ARHGAP24: variants seen among roughly 807,000 people sequenced by gnomAD.
The protein encoded by ARHGAP24 is rho GTPase-activating protein 24.
In ARHGAP24, 50 loss-of-function variants were observed where a neutral mutation model predicts 76.4. The observed-to-expected ratio is 0.65, with a 90% CI of 0.52 to 0.83. ARHGAP24 has a LOEUF of 0.83. Among genes scored for constraint, ARHGAP24 ranks in the 40% least tolerant of loss-of-function variants. The probability of loss-of-function intolerance (pLI) is 0.00; values close to 1 mark genes in which losing one functional copy is unlikely to be tolerated. For synonymous variants in ARHGAP24, 345 were observed against 323.3 expected (o/e 1.07, Z -0.72); for missense variants, 930 against 914.2 (o/e 1.02, Z -0.22).
At chr4:85,793,489 T>C (rs1474839046) in intron 3 of ARHGAP24, among the ~76,000 whole-genome samples, 1 of 152,186 alleles carries the variant, frequency 6.6e-6, no homozygotes, top group Non-Finnish European at 1.5e-5. Context: ...TCAAACCTTA[T>C]TTCCCACAGA....
chr4:85,655,818 A>AGATAGAGAG (rs1237643654), intron 2 of ARHGAP24, among the ~76,000 whole-genome samples: 1 of 35,508 alleles, frequency 2.8e-5, no homozygotes, highest in East Asian at 5.0e-4. Context: ...GAGAGAGAGA[A>AGATAGAGAG]AGAGAGAGAG....
intron 2 of ARHGAP24, among the ~76,000 whole-genome samples, chr4:85,586,184 A>G (rs1271570166): frequency 6.6e-6 from 1 of 151,450 alleles, no homozygotes; most frequent in Non-Finnish European, 1.5e-5. Flanking sequence ...ATGGTGAGGC[A>G]TTACATCCCA....
chr4:85,644,000 G>C (rs371715158), intron 2 of ARHGAP24, among the ~76,000 whole-genome samples: 2 of 152,106 alleles, frequency 1.3e-5, no homozygotes, highest in Non-Finnish European at 1.5e-5. Context: ...TTCATTTTTG[G>C]TGAAGAGTTT....
At chr4:85,648,897 T>A (rs1721826775) in intron 2 of ARHGAP24, among the ~76,000 whole-genome samples, 1 of 152,088 alleles carries the variant, frequency 6.6e-6, no homozygotes, top group Non-Finnish European at 1.5e-5. Flanking sequence ...AATAGAACAT[T>A]TAAAAAACTT....
At chr4:85,510,470 C>T (rs745859747) in intron 1 of ARHGAP24, among the ~76,000 whole-genome samples, 28 of 151,652 alleles carry the variant, frequency 1.8e-4, no homozygotes, top group Admixed American at 5.3e-4. Context: ...TCTCTCTACC[C>T]GTTTGCCTTC....
At chr4:85,819,263 T>A (rs951525018) in intron 3 of ARHGAP24, among the ~76,000 whole-genome samples, 3 of 152,356 alleles carry the variant, frequency 2.0e-5, no homozygotes, top group East Asian at 1.9e-4. Flanking sequence ...ATTTATAAAA[T>A]TTAGTGCAGA....
In ARHGAP24 at chr4:85,923,640, T is replaced by C. The variant is rs762196452; in HGVS notation, c.269-8T>C. 44 of 1,613,414 alleles carry C rather than the reference T, an allele frequency of 2.7e-5. No individual in the cohort carries two copies. In the Admixed American group the frequency reaches 4.3e-4, roughly 16 times the overall value. On this transcript the variant is annotated splice_polypyrimidine_tract_variant and splice_region_variant and intron_variant, in intron 3 of 9. Coordinates refer to ENST00000395184, the MANE Select transcript of ARHGAP24 (RefSeq NM_001025616.3). ...AACTTCAGCTGCATTGTTACTGTGT[T>C]TTCACAGGAGGCGATCGAGATCGGA...
intron 3 of ARHGAP24, among the ~76,000 whole-genome samples, chr4:85,822,328 T>A (rs1729509886): frequency 6.6e-6 from 1 of 152,166 alleles, no homozygotes; most frequent in Non-Finnish European, 1.5e-5. Flanking sequence ...CCAAATATTC[T>A]GACTTGGCTT....
intron 3 of ARHGAP24, among the ~76,000 whole-genome samples, chr4:85,786,955 T>C (rs1727872538): frequency 6.6e-6 from 1 of 152,252 alleles, no homozygotes; most frequent in Non-Finnish European, 1.5e-5. Context: ...ACTTCACATT[T>C]TGACTTCTTA....
At chr4:85,528,209 G>C (rs925314403) in intron 1 of ARHGAP24, among the ~76,000 whole-genome samples, 12 of 152,078 alleles carry the variant, frequency 7.9e-5, no homozygotes, top group African/African-American at 2.9e-4. Flanking sequence ...GATTGGGTCA[G>C]ATTGTAGCAG....
chr4:85,885,131 G>A (rs922894009), intron 3 of ARHGAP24, among the ~76,000 whole-genome samples: 4 of 152,228 alleles, frequency 2.6e-5, no homozygotes, highest in South Asian at 2.1e-4. Context: ...ACGTATTTTA[G>A]GAGGGCATTT....
At chr4:85,835,555 C>CAAA (rs76896754) in intron 3 of ARHGAP24, among the ~76,000 whole-genome samples, 9 of 111,876 alleles carry the variant, frequency 8.0e-5, no homozygotes, top group East Asian at 2.5e-4. Flanking sequence ...GACTCCATCT[C>CAAA]AAAAAAAAAA....
intron 2 of ARHGAP24, among the ~76,000 whole-genome samples, chr4:85,655,818 A>AGAGAGACAGAGAG (rs1237643654): frequency 2.8e-5 from 1 of 35,524 alleles, no homozygotes. Context: ...GAGAGAGAGA[A>AGAGAGACAGAGAG]AGAGAGAGAG....
chr4:85,639,542 G>GA (rs1721447268), intron 2 of ARHGAP24, among the ~76,000 whole-genome samples: 1 of 152,012 alleles, frequency 6.6e-6, no homozygotes. Context: ...TTACATTTGG[G>GA]AAAAAATAAT....
rs906416785 is a variant in ARHGAP24 at position 85,576,856 on chromosome 4, C to G, written c.180+6135C>G. Among the ~76,000 whole-genome samples, 13 of 152,078 alleles carry G rather than the reference C, an allele frequency of 8.5e-5. No individual in the cohort carries two copies. The East Asian group carries it at 2.5e-3, about 29-fold the overall frequency. ...ACATAGGCTTTAGAATAAAATTATT[C>G]GAATTGAATCTTAGCTCATATAGTT... is the stretch of plus-strand genomic sequence containing the variant. On this transcript the variant is annotated intron_variant, in intron 2 of 9. Transcript: ENST00000395184.
At chr4:85,999,301 G>A (rs1740866008) in intron 9 of ARHGAP24, among the ~76,000 whole-genome samples, 1 of 152,158 alleles carries the variant, frequency 6.6e-6, no homozygotes, top group Non-Finnish European at 1.5e-5. Context: ...TAAAAATGTG[G>A]TCATATGTTT....
At chr4:85,758,143 G>T (rs1014256750) in intron 3 of ARHGAP24, among the ~76,000 whole-genome samples, 5 of 152,164 alleles carry the variant, frequency 3.3e-5, no homozygotes, top group African/African-American at 1.2e-4. Context: ...ATCTATGCTT[G>T]TAAGTATGTG....
chr4:85,626,152 T>C (rs1720945614), intron 2 of ARHGAP24, among the ~76,000 whole-genome samples: 1 of 152,234 alleles, frequency 6.6e-6, no homozygotes, highest in Admixed American at 6.5e-5. Flanking sequence ...GTTGATGCAG[T>C]TTCTTCCTAG....
intron 3 of ARHGAP24, among the ~76,000 whole-genome samples, chr4:85,760,063 AG>A (rs68088177): frequency 0.5 from 76,193 of 151,482 alleles, 22,614 homozygotes; most frequent in Non-Finnish European, 0.69. Flanking sequence ...TTTCTTCTGA[AG>A]AAAAAAAATC....
Sources: allele counts gnomAD v4.1 joint callset (sites outside exome capture counted in the v4.1 genomes callset), GRCh38; gene constraint gnomAD v4.1.1; transcripts MANE v1.5; gene names NCBI Gene and HGNC (gene_info 2026-07-23, HGNC 2026-07-21).